The following KCNQ2 variants were observed in gnomAD, a reference collection of about 807,000 sequenced individuals.
The protein encoded by KCNQ2 is potassium voltage-gated channel subfamily KQT member 2.
Under a neutral mutation model 84.8 loss-of-function variants are expected in KCNQ2, and 14 were observed. The observed-to-expected ratio is 0.17, with a 90% CI of 0.11 to 0.26. KCNQ2 has a LOEUF of 0.26. Ranked by LOEUF, KCNQ2 falls within the 10% of genes least tolerant of loss-of-function variation. The pLI is 1.00. For synonymous variants in KCNQ2, 599 were observed against 554.1 expected (o/e 1.08, Z -1.14); for missense variants, 788 against 1,254.0 (o/e 0.63, Z 5.61).
intron 1 of KCNQ2, among the ~76,000 whole-genome samples, chr20:63,469,969 G>C (rs2082172176): frequency 6.6e-6 from 1 of 152,348 alleles, no homozygotes; most frequent in East Asian, 1.9e-4. Context: ...TTTCACAGAG[G>C]GCACTGGGCC....
intron 1 of KCNQ2, among the ~76,000 whole-genome samples, chr20:63,462,714 C>T (rs1216244759): frequency 2.0e-5 from 3 of 152,228 alleles, no homozygotes; most frequent in African/African-American, 4.8e-5. Context: ...TGGAGCCCCA[C>T]GCAGCACCAT....
rs1555850719 is a variant in KCNQ2, at chr20:63,407,046, C to G, written c.2217G>C (p.Leu739=). The G allele has an allele frequency of 6.6e-7, 1 of 1,519,386 alleles. No individual in the cohort carries two copies. The allele number at this position is 1,519,386 out of a possible 1,614,324, so 94.1% of individuals were successfully genotyped here. The stretch of plus-strand genomic sequence containing the variant: ...GGGCAGGCGGCGGCGGGATGCGCAC[C>G]AGGGAGCCGTGGTCCCCCACGGGGG... ...GTSPVGDHGS[L]VRIPPPPAHE... Residue 739 remains leucine (L), a synonymous_variant, in exon 17 of 17, where the codon CTG becomes CTC. Transcript: ENST00000359125. The surrounding 1 kb of genome is among the most constrained non-coding windows in gnomAD (Gnocchi z 7.2).
chr20:63,429,208 A>C (rs1600717099), intron 9 of KCNQ2, among the ~76,000 whole-genome samples: 2 of 103,892 alleles, frequency 1.9e-5, no homozygotes, highest in South Asian at 3.6e-4. Flanking sequence ...CCTCCTCACC[A>C]CCCATGCCCT....
In KCNQ2 at chr20:63,433,805, G is replaced by A. The variant is rs2080901190; in HGVS notation, c.1118+4C>T. The A allele has an allele frequency of 6.2e-7, 1 of 1,614,012 alleles. No homozygotes were observed. The highest frequency in any genetic ancestry group is 8.5e-7 in the Non-Finnish European group (1 of 1,179,990). ...GCTTGGTGGCAGGTGCCCGGCGGCG[G>A]TACCTGTACATGGGCACGGTGACCG... On this transcript the variant is annotated splice_donor_region_variant and intron_variant, in intron 8 of 16. Coordinates refer to ENST00000359125, the MANE Select transcript of KCNQ2 (RefSeq NM_172107.4).
At position 63,416,812 on chromosome 20, in the gene KCNQ2, C is replaced by T. The variant is rs559232093; in HGVS notation, c.1302-1686G>A. Reference sequence around the variant, plus strand: ...CAGCCACAGACATGAGAGCCCACCGCGCCCGTCTGCCTGGCCTGGACACGC... The same window carrying T: ...CAGCCACAGACATGAGAGCCCACCGTGCCCGTCTGCCTGGCCTGGACACGC... On this transcript the variant is annotated intron_variant, in intron 12 of 16. Coordinates refer to ENST00000359125, the MANE Select transcript of KCNQ2 (RefSeq NM_172107.4). 3.3e-5 allele frequency among the ~76,000 whole-genome samples: 5 copies of T among 152,268 alleles called. No individual in the cohort carries two copies. The South Asian group carries it at 1.0e-3, about 32-fold the overall frequency.
In KCNQ2 at chr20:63,406,638, G is replaced by T; in HGVS notation, c.*6C>A. The T allele has an allele frequency of 6.3e-7, 1 of 1,585,996 alleles. No individual in the cohort carries two copies. The highest frequency in any genetic ancestry group is 8.5e-7 in the Non-Finnish European group (1 of 1,171,656). ...CCGCGGGCGGGTCCACTGGCCCAGC[G>T]CCGCCTCACTTCCTGGGCCCGGCCC... On this transcript the variant is annotated 3_prime_UTR_variant, in exon 17 of 17. Coordinates refer to ENST00000359125, the MANE Select transcript of KCNQ2 (RefSeq NM_172107.4).
intron 10 of KCNQ2, among the ~76,000 whole-genome samples, chr20:63,424,989 C>T (rs1231239106): frequency 2.0e-5 from 3 of 152,184 alleles, no homozygotes; most frequent in Non-Finnish European, 2.9e-5. Context: ...ACATGGTCCA[C>T]GCTCTCGGGG....
intron 1 of KCNQ2, among the ~76,000 whole-genome samples, chr20:63,451,283 G>A (rs1442221829): frequency 6.6e-6 from 1 of 152,142 alleles, no homozygotes; most frequent in Non-Finnish European, 1.5e-5. Flanking sequence ...ACCTGCAGCA[G>A]CCCAGGCCAG....
At chr20:63,451,393 G>A (rs1373759587) in intron 1 of KCNQ2, among the ~76,000 whole-genome samples, 1 of 152,088 alleles carries the variant, frequency 6.6e-6, no homozygotes, top group African/African-American at 2.4e-5. Context: ...TGAGCACACG[G>A]CAATATACGG....
chr20:63,414,803 A>T lies in KCNQ2; in HGVS notation c.1525+100T>A. 1.7e-6 allele frequency: 2 copies of T among 1,162,086 alleles called. No homozygotes were observed. Among genetic ancestry groups the T allele is most frequent in the Non-Finnish European group, 2.6e-6 (2 of 776,260 alleles). The allele number at this position is 1,162,086 out of a possible 1,614,324, so 72.0% of individuals were successfully genotyped here. A position where few individuals can be genotyped will look rare whatever the true frequency, so the allele number is the denominator to read the frequency against. ...GATAGGGGGTTCCCACTCCAAGAGC[A>T]AGCAAAAGCAGCTGCGACGCCACAG... On this transcript the variant is annotated intron_variant, in intron 13 of 16. Transcript: ENST00000359125. The surrounding 1 kb of genome is among the most constrained non-coding windows in gnomAD (Gnocchi z 6.6).
chr20:63,431,209 G>C (rs868184397), intron 9 of KCNQ2, 131 bp downstream of exon 9: 28 of 1,058,118 alleles, frequency 2.6e-5, no homozygotes, highest in Middle Eastern at 2.2e-4. Context: ...AGGGATGCTC[G>C]GTGGGCAGGG....
chr20:63,453,261 C>T (rs1177788832), intron 1 of KCNQ2, among the ~76,000 whole-genome samples: 1 of 152,256 alleles, frequency 6.6e-6, no homozygotes, highest in Admixed American at 6.5e-5. Context: ...AGGGGGCACT[C>T]GGCCCCGCCC....
At position 63,408,851 on chromosome 20, in the gene KCNQ2, G is replaced by A. The variant is rs1028630605; in HGVS notation, c.1764-315C>T. On this transcript the variant is annotated intron_variant, in intron 15 of 16. Coordinates refer to ENST00000359125, the MANE Select transcript of KCNQ2 (RefSeq NM_172107.4). This position sits in a 1 kb window ranked among gnomAD's most constrained non-coding sequence, Gnocchi z 5.0. ...CTCCGTGGGCTCCCGGCTCCATACC[G>A]CCCCCTCCAGCCAGCCCCACCTGCT... Among the ~76,000 whole-genome samples the A allele has an allele frequency of 1.2e-4, 18 of 151,864 alleles. No individual in the cohort carries two copies. Among genetic ancestry groups the A allele is most frequent in the African/African-American group, 3.6e-4 (15 of 41,328 alleles).
At chr20:63,449,413 G>A (rs1158365279) in intron 1 of KCNQ2, 2 of 152,384 alleles carry the variant, frequency 1.3e-5, no homozygotes, top group Non-Finnish European at 2.9e-5. Context: ...CTCCTCCCTG[G>A]GCAGACAAGC....
At chr20:63,415,225 G>T in intron 12 of KCNQ2, 99 bp from the exon 13 acceptor site, 1 of 1,111,076 alleles carries the variant, frequency 9.0e-7, no homozygotes, top group Non-Finnish European at 1.3e-6. Flanking sequence ...CGCCGCCCAT[G>T]CGCCGGAGGG....
At chr20:63,433,237 C>G (rs1231596317) in intron 8 of KCNQ2, among the ~76,000 whole-genome samples, 1 of 152,226 alleles carries the variant, frequency 6.6e-6, no homozygotes, top group African/African-American at 2.4e-5. Flanking sequence ...ACTTTCTAGG[C>G]CCCCTTCTCT....
chr20:63,411,874 A>T (rs62208003), intron 15 of KCNQ2: 9 of 712,672 alleles, frequency 1.3e-5, no homozygotes, highest in Non-Finnish European at 2.1e-5. Flanking sequence ...ACCCACAATC[A>T]TATCTATCCT....
chr20:63,412,011 C>T (rs1418306534), intron 15 of KCNQ2: 2 of 622,194 alleles, frequency 3.2e-6, no homozygotes, highest in African/African-American at 3.8e-5. Context: ...TGCTCTCCCA[C>T]AGAGGGTGTG....
In KCNQ2 at chr20:63,414,776, A is replaced by C; in HGVS notation, c.1525+127T>G. 1.2e-6 allele frequency: 1 copy of C among 862,326 alleles called. No homozygotes were observed. The highest frequency in any genetic ancestry group is 1.9e-6 in the Non-Finnish European group (1 of 520,642). 53.4% of individuals were successfully genotyped at this position (862,326 alleles called of 1,614,324 possible). A position where few individuals can be genotyped will look rare whatever the true frequency, so the allele number is the denominator to read the frequency against. ...CACAAGTCTCACCTCAATTTTAGAAAGGATAGGGGGTTCCCACTCCAAGAG... is the reference window on the plus strand; with the variant it reads ...CACAAGTCTCACCTCAATTTTAGAACGGATAGGGGGTTCCCACTCCAAGAG... On this transcript the variant is annotated intron_variant, in intron 13 of 16. Transcript: ENST00000359125. This position sits in a 1 kb window ranked among gnomAD's most constrained non-coding sequence, Gnocchi z 6.6.
Sources: allele counts gnomAD v4.1 joint callset (sites outside exome capture counted in the v4.1 genomes callset), GRCh38; gene constraint gnomAD v4.1.1; non-coding constraint Gnocchi (gnomAD v3.1); transcripts MANE v1.5; gene names NCBI Gene and HGNC (gene_info 2026-07-23, HGNC 2026-07-21).